Variants in ARF5 observed in about 807,000 individuals in gnomAD.
ARF5 encodes the protein ADP-ribosylation factor 5.
A neutral mutation model predicts 24.8 loss-of-function variants in ARF5; 10 were observed. The ratio of observed to expected loss-of-function variants is 0.40; its 90% CI spans 0.25 to 0.68. ARF5 has a LOEUF of 0.68. Ranked by LOEUF, ARF5 falls within the 30% of genes least tolerant of loss-of-function variation. ARF5 has a pLI of 0.36. For synonymous variants in ARF5, 102 were observed against 95.1 expected (o/e 1.07, Z -0.42); for missense variants, 135 against 239.2 (o/e 0.56, Z 2.87).
chr7:127,589,772 T>A (rs1794257227), intron 3 of ARF5, 178 bp downstream of exon 3: 1 of 616,872 alleles, frequency 1.6e-6, no homozygotes, highest in Non-Finnish European at 2.8e-6. Flanking sequence ...CTTCCCCAGC[T>A]TGGACTTCTC....
At chr7:127,588,589 C>T (rs1794238539) in intron 1 of ARF5, 24 bp downstream of exon 1, 4 of 1,350,316 alleles carry the variant, frequency 3.0e-6, no homozygotes, top group Non-Finnish European at 3.9e-6. Flanking sequence ...AGCGCGCGGC[C>T]CGGACCGGGG....
At position 127,590,954 on chromosome 7, in the gene ARF5, C is replaced by T. The variant is rs555345938; in HGVS notation, c.331-9C>T. On this transcript the variant is annotated splice_polypyrimidine_tract_variant and intron_variant, in intron 4 of 5. Coordinates refer to ENST00000000233, the MANE Select transcript of ARF5 (RefSeq NM_001662.4). ...AGCCTGGGTCCCACCTTCTCTTCTC[C>T]TCTCTCAGCTGCAGGAGGACGAGCT... 1 of 1,611,088 alleles carries T rather than the reference C, an allele frequency of 6.2e-7. No individual in the cohort carries two copies. Among genetic ancestry groups the T allele is most frequent in the Non-Finnish European group, 8.5e-7 (1 of 1,178,298 alleles).
In ARF5 at chr7:127,588,442, C is replaced by A; in HGVS notation, c.-57C>A. 1 of 1,201,938 alleles carries A rather than the reference C, an allele frequency of 8.3e-7. No individual in the cohort carries two copies. Among genetic ancestry groups the A allele is most frequent in the Non-Finnish European group, 1.1e-6 (1 of 923,450 alleles). The allele number at this position is 1,201,938 out of a possible 1,614,324, so 74.5% of individuals were successfully genotyped here. ...CTGCTGCGCCCCATCCCCCCGCGGC[C>A]GGCCAGTTCCAGCCCGCACCCCGCG... On this transcript the variant is annotated 5_prime_UTR_variant, in exon 1 of 6. Transcript: ENST00000000233.
chr7:127,588,723 G>A, intron 1 of ARF5, 158 bp downstream of exon 1: 1 of 775,660 alleles, frequency 1.3e-6, no homozygotes. Context: ...GTCCCGGTCT[G>A]CATCGCCGAC....
Position 127,591,476 on chromosome 7 carries a change from C to A in ARF5, c.*177C>A. On this transcript the variant is annotated 3_prime_UTR_variant, in exon 6 of 6. Coordinates refer to ENST00000000233, the MANE Select transcript of ARF5 (RefSeq NM_001662.4). ...TCTGTTGTTGGAGCCTGGAGCCTTG[C>A]TCTCTGGGCACAGAGGGGTCCACTC... 1.7e-6 allele frequency: 1 copy of A among 594,168 alleles called. No individual in the cohort carries two copies. Among genetic ancestry groups the A allele is most frequent in the Non-Finnish European group, 2.8e-6 (1 of 355,096 alleles). 36.8% of individuals were successfully genotyped at this position (594,168 alleles called of 1,614,324 possible).
At position 127,591,614 on chromosome 7, in the gene ARF5, G is replaced by A. The variant is rs769673926; in HGVS notation, c.*315G>A. The A allele has an allele frequency of 2.6e-5, 9 of 340,736 alleles. No homozygotes were observed. The highest frequency in any genetic ancestry group is 4.3e-5 in the Non-Finnish European group (8 of 185,514). The allele number at this position is 340,736 out of a possible 1,614,324, so 21.1% of individuals were successfully genotyped here. ...TTTCTGTTTTGGGTGTACTCTAGGG[G>A]CCAGGTTGGGAGGGGGAAGGTGAGG... On this transcript the variant is annotated 3_prime_UTR_variant, in exon 6 of 6. Coordinates refer to ENST00000000233, the MANE Select transcript of ARF5 (RefSeq NM_001662.4).
chr7:127,589,178 G>A lies in ARF5; in HGVS notation c.148+15G>A. 1 of 1,613,852 alleles carries A rather than the reference G, an allele frequency of 6.2e-7. No homozygotes were observed. Among genetic ancestry groups the A allele is most frequent in the South Asian group, 1.1e-5 (1 of 91,086 alleles). ...CCCAACCATAGGTGAGCCCGGGGAC[G>A]AAGCAGGGAGCGGGAGCGCCGCGGC... On this transcript the variant is annotated intron_variant, in intron 2 of 5. Coordinates refer to ENST00000000233, the MANE Select transcript of ARF5 (RefSeq NM_001662.4).
chr7:127,589,299 A>G (rs1794250113), intron 2 of ARF5, 136 bp downstream of exon 2: 13 of 1,143,032 alleles, frequency 1.1e-5, no homozygotes, highest in Middle Eastern at 4.4e-4. Flanking sequence ...GGGTATCTCT[A>G]CGTGGATACC....
intron 4 of ARF5, among the ~76,000 whole-genome samples, chr7:127,590,596 G>A (rs1443922885): frequency 1.3e-5 from 2 of 152,230 alleles, no homozygotes; most frequent in Non-Finnish European, 2.9e-5. Context: ...GTCTCCCAAA[G>A]TGCTGGGATT....
rs754771745 is a variant in ARF5, at chr7:127,590,071, C to A, written c.264C>A (p.Leu88=). 2 of 1,613,902 alleles carry A rather than the reference C, an allele frequency of 1.2e-6. No individual in the cohort carries two copies. Among genetic ancestry groups the A allele is most frequent in the Non-Finnish European group, 1.7e-6 (2 of 1,179,862 alleles). The part of the protein sequence containing the change: ...WRHYFQNTQG[L]IFVVDSNDRE... ...CTTCCTTCCTTCCTGCCCAGGGCCT[C>A]ATCTTTGTGGTGGACAGTAATGACC... Residue 88 remains leucine, a synonymous_variant, in exon 4 of 6, where the codon CTC becomes CTA. Coordinates refer to ENST00000000233, the MANE Select transcript of ARF5 (RefSeq NM_001662.4).
At chr7:127,590,737 T>G (rs1005083470) in intron 4 of ARF5, among the ~76,000 whole-genome samples, 2 of 152,168 alleles carry the variant, frequency 1.3e-5, no homozygotes, top group African/African-American at 2.4e-5. Context: ...CATTTGGAAA[T>G]GTTGTCATTT....
intron 2 of ARF5, 147 bp from the exon 3 acceptor site, chr7:127,589,338 G>A: frequency 1.9e-6 from 2 of 1,037,300 alleles, no homozygotes; most frequent in Non-Finnish European, 1.5e-6. Context: ...ACCTAGCCCC[G>A]CCCTGTTGAC....
chr7:127,591,581 C>T lies in ARF5; in HGVS notation c.*282C>T. The T allele has an allele frequency of 2.6e-6, 1 of 378,144 alleles. No individual in the cohort carries two copies. Among genetic ancestry groups the T allele is most frequent in the South Asian group, 4.3e-5 (1 of 23,426 alleles). 23.4% of individuals were successfully genotyped at this position (378,144 alleles called of 1,614,324 possible). A position where few individuals can be genotyped will look rare whatever the true frequency, so the allele number is the denominator to read the frequency against. ...GAGGAGGAGCAGGGATCTGGGTTTC[C>T]TTTTTTTTTTCTGTTTTGGGTGTAC... On this transcript the variant is annotated 3_prime_UTR_variant, in exon 6 of 6. Coordinates refer to ENST00000000233, the MANE Select transcript of ARF5 (RefSeq NM_001662.4).
chr7:127,590,789 C>T (rs1335327908), intron 4 of ARF5, among the ~76,000 whole-genome samples, 174 bp from the exon 5 acceptor site: 1 of 152,260 alleles, frequency 6.6e-6, no homozygotes, highest in South Asian at 2.1e-4. Context: ...TCTTTCTTTT[C>T]TGGACTTATG....
chr7:127,588,963 C>A, intron 1 of ARF5, 120 bp from the exon 2 acceptor site: 1 of 1,201,980 alleles, frequency 8.3e-7, no homozygotes, highest in Non-Finnish European at 1.2e-6. Context: ...ACGACGCGCA[C>A]CTGGAGGCGC....
At position 127,591,256 on chromosome 7, in the gene ARF5, A is replaced by G; in HGVS notation, c.500A>G (p.Tyr167Cys). The change falls in exon 6 of 6, where the codon TAC becomes TGC. Residue 167 changes from tyrosine to cysteine, a missense_variant. Transcript: ENST00000000233. Reference sequence around the variant, plus strand: ...TGTGCCACCCAAGGCACAGGTCTGTACGATGGTCTGGACTGGCTGTCCCAC... The same window carrying G: ...TGTGCCACCCAAGGCACAGGTCTGTGCGATGGTCTGGACTGGCTGTCCCAC... ...ATCATQGTGL[Y>C]DGLDWLSHEL... 6.2e-7 allele frequency: 1 copy of G among 1,608,656 alleles called. No homozygotes were observed.
intron 2 of ARF5, 76 bp downstream of exon 2, chr7:127,589,239 T>C: frequency 1.3e-6 from 2 of 1,511,632 alleles, no homozygotes. Context: ...TTCTGCCACT[T>C]TTCTGGAGCT....
intron 1 of ARF5, 140 bp from the exon 2 acceptor site, chr7:127,588,943 A>G: frequency 1.0e-6 from 1 of 977,142 alleles, no homozygotes; most frequent in Non-Finnish European, 1.6e-6. Flanking sequence ...CCAGGCCTCA[A>G]AGGTAGATAA....
rs1231688497 is a variant in ARF5, at chr7:127,591,025, C to A, written c.393C>A (p.Pro131=). 6.2e-7 allele frequency: 1 copy of A among 1,613,990 alleles called. No homozygotes were observed. Among genetic ancestry groups the A allele is most frequent in the Non-Finnish European group, 8.5e-7 (1 of 1,180,032 alleles). The change falls in exon 5 of 6, where the codon CCC becomes CCA. Residue 131 remains proline, a synonymous_variant. Coordinates refer to ENST00000000233, the MANE Select transcript of ARF5 (RefSeq NM_001662.4). ...LLVFANKQDM[P]NAMPVSELTD... ...TATTTGCCAACAAGCAGGACATGCC[C>A]AACGCCATGCCCGTGAGCGAGCTGA...
Sources: allele counts gnomAD v4.1 joint callset (sites outside exome capture counted in the v4.1 genomes callset), GRCh38; gene constraint gnomAD v4.1.1; transcripts MANE v1.5; gene names NCBI Gene and HGNC (gene_info 2026-07-23, HGNC 2026-07-21).